The following MYO16 variants were observed in gnomAD, a reference collection of about 807,000 sequenced individuals.
MYO16 encodes the protein unconventional myosin-XVI.
Under a neutral mutation model 205.3 loss-of-function variants are expected in MYO16, and 94 were observed. The observed-to-expected ratio is 0.46, with a 90% CI of 0.39 to 0.54. The LOEUF (loss-of-function observed/expected upper bound fraction) is 0.54. MYO16 is among the 20% of genes least tolerant of loss of function. The probability of loss-of-function intolerance (pLI) is 0.00; values close to 1 mark genes in which losing one functional copy is unlikely to be tolerated. For synonymous variants in MYO16, 988 were observed against 954.0 expected, an observed-to-expected ratio of 1.04 and a Z score of -0.66; for missense variants, 2,315 against 2,387.5, an observed-to-expected ratio of 0.97 and a Z score of 0.63.
At position 109,140,892 on chromosome 13, in the gene MYO16, G is replaced by T; in HGVS notation, c.4680G>T (p.Leu1560=). The T allele has an allele frequency of 6.3e-7, 1 of 1,592,186 alleles. No individual in the cohort carries two copies. The change falls in exon 32 of 35, where the codon CTG becomes CTT. Residue 1560 remains leucine, a synonymous_variant. Transcript: ENST00000457511. This position sits in a 1 kb window ranked among gnomAD's most constrained non-coding sequence, Gnocchi z 8.0. ...YPVQPEGSSP[L]SPQYSKSQKG... ...TGCAGCCGGAGGGGTCGAGCCCGCTGTCCCCGCAGTACTCCAAGAGCCAGA... is the reference window on the plus strand; with the variant it reads ...TGCAGCCGGAGGGGTCGAGCCCGCTTTCCCCGCAGTACTCCAAGAGCCAGA...
At chr13:108,945,866 A>G (rs1882919203) in intron 16 of MYO16, among the ~76,000 whole-genome samples, 1 of 152,174 alleles carries the variant, frequency 6.6e-6, no homozygotes, top group Non-Finnish European at 1.5e-5. Context: ...GTTCTTCATT[A>G]AAATCTCAAT....
chr13:108,752,044 T>C (rs1885253686), intron 4 of MYO16, among the ~76,000 whole-genome samples: 1 of 152,196 alleles, frequency 6.6e-6, no homozygotes, highest in Non-Finnish European at 1.5e-5. Flanking sequence ...ATTATAATAG[T>C]TATACCATAC....
Position 109,140,784 on chromosome 13 carries a change from C to T in MYO16, c.4572C>T (p.Cys1524=). 1 of 1,571,586 alleles carries T rather than the reference C, an allele frequency of 6.4e-7. No homozygotes were observed. Among genetic ancestry groups the T allele is most frequent in the Non-Finnish European group, 8.6e-7 (1 of 1,161,882 alleles). ...LLVFPPTPVT[C]SPASDESPLT... ...TGTTCCCCCCGACCCCCGTCACCTG[C>T]TCCCCCGCCTCCGACGAGTCGCCCC... The change falls in exon 32 of 35, where the codon TGC becomes TGT. Residue 1524 remains cysteine (C), a synonymous_variant. Coordinates refer to ENST00000457511, the MANE Select transcript of MYO16 (RefSeq NM_001198950.3). The surrounding 1 kb of genome is among the most constrained non-coding windows in gnomAD (Gnocchi z 8.0).
chr13:108,540,118 A>T, the MYO16 span, among the ~76,000 whole-genome samples: 1 of 152,074 alleles, frequency 6.6e-6, no homozygotes, highest in Non-Finnish European at 1.5e-5. Flanking sequence ...TAATTACATG[A>T]CTAGCTTCTC....
intron 6 of MYO16, among the ~76,000 whole-genome samples, chr13:108,801,425 T>A (rs1471495408): frequency 1.3e-5 from 2 of 152,208 alleles, no homozygotes; most frequent in African/African-American, 4.8e-5. Flanking sequence ...AAAATGCTCA[T>A]TATTTTAGAA....
intron 19 of MYO16, among the ~76,000 whole-genome samples, chr13:108,964,067 T>A (rs1271671400): frequency 1.3e-5 from 2 of 152,188 alleles, no homozygotes; most frequent in South Asian, 2.1e-4. Context: ...CTGTTCCTAG[T>A]CTCCTGCTCT....
At chr13:108,925,399 T>C (rs1013706379) in intron 16 of MYO16, among the ~76,000 whole-genome samples, 10 of 152,184 alleles carry the variant, frequency 6.6e-5, no homozygotes, top group African/African-American at 2.4e-4. Context: ...TACTTGTTGG[T>C]AGAGGTAGTA....
chr13:109,016,892 C>T (rs1287570685), intron 22 of MYO16, among the ~76,000 whole-genome samples: 9 of 152,114 alleles, frequency 5.9e-5, no homozygotes, highest in Non-Finnish European at 1.2e-4. Flanking sequence ...GAATACAGCA[C>T]ACTGATGGGT....
At chr13:109,185,157 T>C (rs1454699371) in intron 34 of MYO16, among the ~76,000 whole-genome samples, 1 of 152,190 alleles carries the variant, frequency 6.6e-6, no homozygotes, top group East Asian at 1.9e-4. Flanking sequence ...GCAATATTAT[T>C]GTATAGTGGA....
chr13:108,909,140 C>T (rs1279552609), intron 15 of MYO16, among the ~76,000 whole-genome samples: 1 of 152,042 alleles, frequency 6.6e-6, no homozygotes, highest in East Asian at 1.9e-4. Context: ...TTTTGACCAA[C>T]GCTAGCTTCT....
Position 109,140,241 on chromosome 13 carries a change from G to C in MYO16, c.4052-23G>C. 6.3e-7 allele frequency: 1 copy of C among 1,596,652 alleles called. No individual in the cohort carries two copies. Among genetic ancestry groups the C allele is most frequent in the Non-Finnish European group, 8.5e-7 (1 of 1,178,256 alleles). ...CCGTGGGCCTGGCCTGGCACCCACTGACCGCGTCCTTTCCTGCCGCAGCTC... is the reference window on the plus strand; with the variant it reads ...CCGTGGGCCTGGCCTGGCACCCACTCACCGCGTCCTTTCCTGCCGCAGCTC... On this transcript the variant is annotated intron_variant, in intron 31 of 34. Transcript: ENST00000457511. The surrounding 1 kb of genome is among the most constrained non-coding windows in gnomAD (Gnocchi z 8.0).
At chr13:109,075,310 C>T (rs990165030) in intron 27 of MYO16, among the ~76,000 whole-genome samples, 2 of 101,478 alleles carry the variant, frequency 2.0e-5, no homozygotes, top group African/African-American at 3.4e-5. Context: ...GTCTTCCCGT[C>T]TCCTGTCCAA....
intron 11 of MYO16, among the ~76,000 whole-genome samples, chr13:108,860,128 C>T (rs1045604991): frequency 1.3e-5 from 2 of 151,990 alleles, no homozygotes; most frequent in African/African-American, 2.4e-5. Context: ...AAGTCCAGTA[C>T]CCAATAGTTA....
At chr13:108,953,972 T>C (rs1883251837) in intron 16 of MYO16, among the ~76,000 whole-genome samples, 1 of 152,206 alleles carries the variant, frequency 6.6e-6, no homozygotes, top group African/African-American at 2.4e-5. Context: ...TTTCAGATTG[T>C]CTGTTTTGAA....
intron 13 of MYO16, among the ~76,000 whole-genome samples, chr13:108,887,793 G>A (rs1175573267): frequency 6.6e-6 from 1 of 152,150 alleles, no homozygotes; most frequent in Non-Finnish European, 1.5e-5. Context: ...TTTGTAGCTA[G>A]GCACTTTATG....
chr13:108,705,891 G>A (rs751050316), intron 2 of MYO16, among the ~76,000 whole-genome samples: 1 of 152,092 alleles, frequency 6.6e-6, no homozygotes, highest in Non-Finnish European at 1.5e-5. Context: ...CTTCATGGAG[G>A]ATTTCTTCCA....
intron 2 of MYO16, among the ~76,000 whole-genome samples, chr13:108,707,505 T>A (rs1216063946): frequency 6.6e-6 from 1 of 152,150 alleles, no homozygotes; most frequent in Non-Finnish European, 1.5e-5. Context: ...GGCCTCCCCA[T>A]CCACTGCAGC....
intron 7 of MYO16, among the ~76,000 whole-genome samples, chr13:108,816,305 C>T (rs936421831): frequency 6.6e-5 from 10 of 151,724 alleles, no homozygotes; most frequent in African/African-American, 2.2e-4. Flanking sequence ...TAGAATATGA[C>T]GAGGCAAGCC....
intron 33 of MYO16, among the ~76,000 whole-genome samples, chr13:109,170,867 AAC>A (rs1878896812): frequency 6.6e-6 from 1 of 152,226 alleles, no homozygotes; most frequent in Admixed American, 6.5e-5. Context: ...CAAAGCCTGC[AAC>A]ACAGATTTCT....
Sources: gnomAD v4.1 joint callset for allele counts (sites outside exome capture counted in the v4.1 genomes callset) on GRCh38, gnomAD v4.1.1 for gene constraint, Gnocchi (gnomAD v3.1) non-coding constraint, MANE v1.5 for transcripts, NCBI Gene and HGNC (gene_info 2026-07-23, HGNC 2026-07-21) for gene names.